The following PIGU variants were observed in gnomAD, a reference collection of about 807,000 sequenced individuals.
PIGU encodes phosphatidylinositol glycan anchor biosynthesis class U, also known as GPI-anchor transamidase component PIGU.
In PIGU, 24 loss-of-function variants were observed where a neutral mutation model predicts 49.9. That is an observed-to-expected ratio of 0.48 (90% CI 0.35 to 0.68). The LOEUF (loss-of-function observed/expected upper bound fraction) is 0.68, where lower values mean the gene tolerates loss of function less well. Ranked by LOEUF, PIGU falls within the 30% of genes least tolerant of loss-of-function variation. The pLI is 0.01. For missense variants in PIGU, 490 were observed against 532.6 expected, an observed-to-expected ratio of 0.92 and a Z score of 0.79; for synonymous variants, 220 against 205.7, an observed-to-expected ratio of 1.07 and a Z score of -0.59.
chr20:34,604,851 C>T (rs1984555558), intron 7 of PIGU, among the ~76,000 whole-genome samples: 1 of 152,148 alleles, frequency 6.6e-6, no homozygotes, highest in Admixed American at 6.5e-5. Context: ...AAAGCAAAAC[C>T]AAAAGAGTAC....
intron 1 of PIGU, among the ~76,000 whole-genome samples, chr20:34,658,770 TGAGAA>T (rs1986803700): frequency 6.9e-6 from 1 of 144,864 alleles, no homozygotes; most frequent in Non-Finnish European, 1.5e-5. Flanking sequence ...CCGCCCCGTC[TGAGAA>T]GTGAGGAGCC....
intron 7 of PIGU, among the ~76,000 whole-genome samples, chr20:34,603,888 A>ACACACACACACACACACACC (rs901711456): frequency 3.3e-5 from 5 of 150,584 alleles, no homozygotes; most frequent in East Asian, 1.9e-4. Flanking sequence ...ACACACACAC[A>ACACACACACACACACACACC]CCACACCCCT....
At chr20:34,599,557 C>T (rs906127257) in intron 7 of PIGU, among the ~76,000 whole-genome samples, 2 of 152,182 alleles carry the variant, frequency 1.3e-5, no homozygotes, top group Non-Finnish European at 2.9e-5. Context: ...CTGGAGAGTG[C>T]ACCCTTGAAG....
intron 6 of PIGU, among the ~76,000 whole-genome samples, chr20:34,625,284 C>T (rs779908532): frequency 3.3e-5 from 5 of 151,732 alleles, no homozygotes; most frequent in Admixed American, 1.3e-4. Context: ...AGGAGAATCA[C>T]CTGAACCCGG....
Position 34,560,992 on chromosome 20 carries a change from A to G in PIGU, c.1195-13T>C, listed in dbSNP as rs771667664. 3 of 1,566,890 alleles carry G rather than the reference A, an allele frequency of 1.9e-6. No homozygotes were observed. Among genetic ancestry groups the G allele is most frequent in the South Asian group, 2.2e-5 (2 of 89,550 alleles). On this transcript the variant is annotated splice_polypyrimidine_tract_variant and intron_variant, in intron 11 of 11. Transcript: ENST00000217446. ...AGATGAGCAGGATCTGGGGGGAGAG[A>G]GAGGGTGTGAGGCGCTGCTGGGTAC...
In PIGU at chr20:34,620,721, G is replaced by C. The variant is rs139448218; in HGVS notation, c.530-4582C>G. On this transcript the variant is annotated intron_variant, in intron 6 of 11. Coordinates refer to ENST00000217446, the MANE Select transcript of PIGU (RefSeq NM_080476.5). ...AGCTACTCGGGAGGCTGAGGCAGGA[G>C]AATGGCGTGAACCCGGGAGGCAGAG... Among the ~76,000 whole-genome samples the C allele has an allele frequency of 8.1e-3, 1,211 of 148,946 alleles. 19 individuals are homozygous for C. Among genetic ancestry groups the C allele is most frequent in the African/African-American group, 0.029 (1,162 of 40,484 alleles).
At chr20:34,599,646 T>TA (rs1288448548) in intron 7 of PIGU, among the ~76,000 whole-genome samples, 3 of 152,202 alleles carry the variant, frequency 2.0e-5, no homozygotes, top group African/African-American at 7.2e-5. Flanking sequence ...AGGCTGAAAC[T>TA]AACTGGCAAA....
chr20:34,630,884 A>C (rs966016401), intron 6 of PIGU, among the ~76,000 whole-genome samples: 21 of 152,098 alleles, frequency 1.4e-4, no homozygotes, highest in Non-Finnish European at 2.5e-4. Flanking sequence ...GCCTCAAGCA[A>C]TCCTCCCACC....
rs997966897 is a variant in PIGU, at chr20:34,613,248, T to C, written c.627+2794A>G. Among the ~76,000 whole-genome samples, 4 of 152,192 alleles carry C rather than the reference T, an allele frequency of 2.6e-5. No homozygotes were observed. The East Asian group carries it at 7.7e-4, about 29-fold the overall frequency. On this transcript the variant is annotated intron_variant, in intron 7 of 11. Coordinates refer to ENST00000217446, the MANE Select transcript of PIGU (RefSeq NM_080476.5). ...AACTTCAGCTCTTCCTACTCCCATC[T>C]ACCCGACAAGCTGCTGCCAAAGCAA...
At chr20:34,592,660 T>C (rs1984040225) in intron 7 of PIGU, among the ~76,000 whole-genome samples, 1 of 152,128 alleles carries the variant, frequency 6.6e-6, no homozygotes, top group Non-Finnish European at 1.5e-5. Context: ...GACAATGAAA[T>C]GTAATACATC....
At chr20:34,589,091 T>A (rs2146713478) in intron 7 of PIGU, among the ~76,000 whole-genome samples, 1 of 145,390 alleles carries the variant, frequency 6.9e-6, no homozygotes, top group South Asian at 2.2e-4. Context: ...TTATACCAAA[T>A]AATACTATTA....
Position 34,563,778 on chromosome 20 carries a change from A to G in PIGU, c.1195-2799T>C, listed in dbSNP as rs1600580264. 5.3e-5 allele frequency among the ~76,000 whole-genome samples: 8 copies of G among 152,254 alleles called. 1 individual carries two copies. The South Asian group carries it at 1.7e-3, about 32-fold the overall frequency. On this transcript the variant is annotated intron_variant, in intron 11 of 11. Transcript: ENST00000217446. ...GGTTACTCACTTCCTCCTGAGGAGCAGGGAAAGGGAAAAGAGTAACTTTAC... is the reference window on the plus strand; with the variant it reads ...GGTTACTCACTTCCTCCTGAGGAGCGGGGAAAGGGAAAAGAGTAACTTTAC...
In PIGU at chr20:34,581,773, G is replaced by T. The variant is rs1034967361; in HGVS notation, c.927-101C>A. On this transcript the variant is annotated intron_variant, in intron 9 of 11. Transcript: ENST00000217446. ...CTTTGAACCAAAAATAATCCTCAGGGGACTTCAGGAAGGGGCTGGCTCTGC... is the reference window on the plus strand; with the variant it reads ...CTTTGAACCAAAAATAATCCTCAGGTGACTTCAGGAAGGGGCTGGCTCTGC... 4.2e-6 allele frequency: 6 copies of T among 1,420,992 alleles called. No individual in the cohort carries two copies. In the Admixed American group the frequency reaches 1.1e-4, roughly 26 times the overall value. 88.0% of individuals were successfully genotyped at this position (1,420,992 alleles called of 1,614,324 possible).
chr20:34,625,262 G>A (rs1985421170), intron 6 of PIGU, among the ~76,000 whole-genome samples: 1 of 151,692 alleles, frequency 6.6e-6, no homozygotes, highest in Non-Finnish European at 1.5e-5. Context: ...CAGCTATTCG[G>A]GAAACTGAGG....
intron 6 of PIGU, among the ~76,000 whole-genome samples, chr20:34,629,752 C>T (rs1985630090): frequency 6.6e-6 from 1 of 152,074 alleles, no homozygotes; most frequent in African/African-American, 2.4e-5. Context: ...AAATATATAA[C>T]CCAAATGCTT....
intron 2 of PIGU, among the ~76,000 whole-genome samples, chr20:34,651,994 G>T (rs1042297313): frequency 1.3e-5 from 2 of 151,970 alleles, no homozygotes; most frequent in African/African-American, 4.8e-5. Flanking sequence ...CCAGCTATTT[G>T]GTTTGTTTTT....
At chr20:34,655,004 C>CAAA (rs368336960) in intron 2 of PIGU, among the ~76,000 whole-genome samples, 2 of 76,518 alleles carry the variant, frequency 2.6e-5, no homozygotes, top group Non-Finnish European at 5.1e-5. Context: ...GACTCTGTCT[C>CAAA]AAAAAAAAAA....
intron 1 of PIGU, among the ~76,000 whole-genome samples, chr20:34,672,129 C>A (rs1448258622): frequency 6.6e-6 from 1 of 151,852 alleles, no homozygotes; most frequent in African/African-American, 2.4e-5. Flanking sequence ...TTTGTAGAGA[C>A]AGAGTTTTGC....
At chr20:34,632,246 A>G (rs1229707282) in intron 6 of PIGU, among the ~76,000 whole-genome samples, 2 of 152,220 alleles carry the variant, frequency 1.3e-5, no homozygotes, top group Non-Finnish European at 2.9e-5. Context: ...AATGCCTTCA[A>G]AATTCTAAAG....
Sources: allele counts gnomAD v4.1 joint callset (sites outside exome capture counted in the v4.1 genomes callset), GRCh38; gene constraint gnomAD v4.1.1; transcripts MANE v1.5; gene names NCBI Gene and HGNC (gene_info 2026-07-23, HGNC 2026-07-21).